The following ABCA12 variants were observed in gnomAD, a reference collection of about 807,000 sequenced individuals.
The protein encoded by ABCA12 is glucosylceramide transporter ABCA12.
A neutral mutation model predicts 293.5 loss-of-function variants in ABCA12; 156 were observed. The observed-to-expected ratio is 0.53, with a 90% confidence interval of 0.47 to 0.61. The LOEUF (loss-of-function observed/expected upper bound fraction) is 0.61. ABCA12 is among the 20% of genes least tolerant of loss of function. The pLI is 0.00. For missense variants in ABCA12, 2,797 were observed against 3,090.2 expected (o/e 0.91, Z 2.25); for synonymous variants, 1,063 against 1,108.0 (o/e 0.96, Z 0.81).
intron 2 of ABCA12, among the ~76,000 whole-genome samples, chr2:215,105,932 C>CA (rs904863152): frequency 2.4e-4 from 37 of 152,078 alleles, no homozygotes; most frequent in Non-Finnish European, 4.3e-4. Context: ...ACAACAACAA[C>CA]AAAAAAACCT....
At chr2:215,025,545 G>A in intron 11 of ABCA12, 128 bp downstream of exon 11, 1 of 657,292 alleles carries the variant, frequency 1.5e-6, no homozygotes, top group Non-Finnish European at 2.6e-6. Context: ...TATTTACAAA[G>A]ATCAGATTTA....
intron 35 of ABCA12, 132 bp downstream of exon 35, chr2:214,974,646 C>T: frequency 1.2e-6 from 1 of 850,352 alleles, no homozygotes; most frequent in South Asian, 1.4e-5. Flanking sequence ...TAGACAAAAT[C>T]TGTTAAACAG....
rs779400129 is a variant in ABCA12 at position 215,010,522 on chromosome 2, T to C, written c.2333-52A>G. The stretch of plus-strand genomic sequence containing the variant: ...ATTTAATAGATGTACTTCAAATCCA[T>C]TTCCACATGGCAAATTGACAGAGAT... On this transcript the variant is annotated intron_variant, in intron 17 of 52. Transcript: ENST00000272895. 389 of 1,591,716 alleles carry C rather than the reference T, an allele frequency of 2.4e-4. 1 individual carries two copies. The highest frequency in any genetic ancestry group is 2.6e-4 in the Non-Finnish European group (308 of 1,164,388).
At chr2:214,986,039 G>C (rs186293857) in intron 28 of ABCA12, among the ~76,000 whole-genome samples, 7 of 152,292 alleles carry the variant, frequency 4.6e-5, no homozygotes, top group African/African-American at 9.6e-5. Flanking sequence ...CAAGGCAAAG[G>C]TTTCCCATGA....
intron 11 of ABCA12, among the ~76,000 whole-genome samples, chr2:215,020,320 G>T (rs1346175711): frequency 1.9e-5 from 1 of 53,902 alleles, no homozygotes; most frequent in Non-Finnish European, 3.9e-5. Flanking sequence ...ACACAGAGTG[G>T]TATATTATTA....
At chr2:215,066,528 A>C (rs1005384769) in intron 2 of ABCA12, among the ~76,000 whole-genome samples, 1 of 152,162 alleles carries the variant, frequency 6.6e-6, no homozygotes, top group Admixed American at 6.6e-5. Context: ...TACAAATTGC[A>C]AATGATTTGA....
intron 2 of ABCA12, among the ~76,000 whole-genome samples, chr2:215,089,254 C>T (rs1702094782): frequency 6.6e-6 from 1 of 150,444 alleles, no homozygotes; most frequent in Non-Finnish European, 1.5e-5. Flanking sequence ...TATAATCTTT[C>T]CTTGCTTACA....
chr2:215,007,260 G>A (rs931649105), intron 19 of ABCA12, among the ~76,000 whole-genome samples: 53 of 152,134 alleles, frequency 3.5e-4, no homozygotes, highest in Admixed American at 1.1e-3. Context: ...AGAACACCTT[G>A]TGTATAACAT....
Position 215,036,078 on chromosome 2 carries a change from A to G in ABCA12, c.985+875T>C, listed in dbSNP as rs1377073240. 2.6e-5 allele frequency among the ~76,000 whole-genome samples: 4 copies of G among 152,140 alleles called. 1 individual carries two copies. Among genetic ancestry groups the G allele is most frequent in the Non-Finnish European group, 5.9e-5 (4 of 68,008 alleles). On this transcript the variant is annotated intron_variant, in intron 8 of 52. Coordinates refer to ENST00000272895, the MANE Select transcript of ABCA12 (RefSeq NM_173076.3). ...TCCTGTTTTTCTAATGGACGTCAAG[A>G]CCATCAAATTTAATAACAGTCAATC...
chr2:215,063,687 A>C (rs1701580661), intron 3 of ABCA12, among the ~76,000 whole-genome samples: 1 of 152,010 alleles, frequency 6.6e-6, no homozygotes, highest in African/African-American at 2.4e-5. Flanking sequence ...TAGTACCAGT[A>C]TGTGATTCTT....
At chr2:214,999,799 T>C in intron 22 of ABCA12, 1 of 984,804 alleles carries the variant, frequency 1.0e-6, no homozygotes, top group Non-Finnish European at 1.2e-6. Flanking sequence ...TGCTTCCTCA[T>C]GCTACTGTTG....
chr2:215,103,305 T>C (rs1217154577), intron 2 of ABCA12, among the ~76,000 whole-genome samples: 1 of 149,036 alleles, frequency 6.7e-6, no homozygotes, highest in Admixed American at 6.7e-5. Context: ...GTTTCACTCT[T>C]GTTGCCCAGC....
intron 5 of ABCA12, among the ~76,000 whole-genome samples, chr2:215,050,516 C>A (rs975163895): frequency 6.6e-6 from 1 of 152,036 alleles, no homozygotes; most frequent in African/African-American, 2.4e-5. Context: ...ATCATATTTA[C>A]CATTATTAAG....
chr2:215,016,458 C>T (rs1700502314), intron 14 of ABCA12, among the ~76,000 whole-genome samples: 1 of 151,036 alleles, frequency 6.6e-6, no homozygotes, highest in Non-Finnish European at 1.5e-5. Context: ...TGGCGGGTGC[C>T]TGTAGTCCCA....
At chr2:215,072,803 T>C (rs747732315) in intron 2 of ABCA12, among the ~76,000 whole-genome samples, 10 of 152,220 alleles carry the variant, frequency 6.6e-5, no homozygotes, top group Admixed American at 5.9e-4. Flanking sequence ...TAACAAAGAA[T>C]GTTGAGTTCT....
At chr2:215,100,173 T>A (rs1702328460) in intron 2 of ABCA12, among the ~76,000 whole-genome samples, 1 of 151,984 alleles carries the variant, frequency 6.6e-6, no homozygotes, top group South Asian at 2.1e-4. Flanking sequence ...TACCACCACA[T>A]GTGACTAATT....
intron 36 of ABCA12, among the ~76,000 whole-genome samples, chr2:214,971,430 C>T (rs1025732513): frequency 2.0e-5 from 3 of 152,114 alleles, no homozygotes; most frequent in Non-Finnish European, 4.4e-5. Flanking sequence ...ACTGACACAC[C>T]TGTGTAACCA....
At chr2:214,942,796 A>G in intron 50 of ABCA12, 129 bp downstream of exon 50, 2 of 741,706 alleles carry the variant, frequency 2.7e-6, no homozygotes, top group Non-Finnish European at 4.7e-6. Flanking sequence ...GTCAGTGACT[A>G]GCTTCCAAAG....
At chr2:215,038,670 T>A (rs1037662968) in intron 7 of ABCA12, among the ~76,000 whole-genome samples, 1 of 152,242 alleles carries the variant, frequency 6.6e-6, no homozygotes, top group African/African-American at 2.4e-5. Context: ...AGTTAGACTG[T>A]CTCAGGGCGT....
Sources: allele counts gnomAD v4.1 joint callset (sites outside exome capture counted in the v4.1 genomes callset), GRCh38; gene constraint gnomAD v4.1.1; transcripts MANE v1.5; gene names NCBI Gene and HGNC (gene_info 2026-07-23, HGNC 2026-07-21).